The following NKAIN2 variants were observed in gnomAD, a reference collection of about 807,000 sequenced individuals.
NKAIN2 encodes the protein sodium/potassium-transporting ATPase subunit beta-1-interacting protein 2.
In NKAIN2, 14 loss-of-function variants were observed where a neutral mutation model predicts 32.6. The ratio of observed to expected loss-of-function variants is 0.43; its 90% CI spans 0.28 to 0.67. NKAIN2 has a LOEUF of 0.67. Ranked by LOEUF, NKAIN2 falls within the 30% of genes least tolerant of loss-of-function variation. The pLI is 0.17. For synonymous variants in NKAIN2, 80 were observed against 87.2 expected, an observed-to-expected ratio of 0.92 and a Z score of 0.46; for missense variants, 198 against 258.3, an observed-to-expected ratio of 0.77 and a Z score of 1.60.
intron 4 of NKAIN2, among the ~76,000 whole-genome samples, chr6:124,697,006 T>C (rs1298191842): frequency 1.3e-5 from 2 of 152,118 alleles, no homozygotes; most frequent in Admixed American, 1.3e-4. Context: ...CTGCATGACC[T>C]TCAATGAGTT....
intron 1 of NKAIN2, among the ~76,000 whole-genome samples, chr6:124,056,040 T>G (rs1582548428): frequency 6.6e-6 from 1 of 152,102 alleles, no homozygotes; most frequent in East Asian, 1.9e-4. Context: ...ATGCCTGCTC[T>G]CTTAATTCCA....
rs374571494 is a variant in NKAIN2 at position 124,648,163 on chromosome 6, T to C, written c.274-10023T>C. Among the ~76,000 whole-genome samples the C allele has an allele frequency of 3.3e-5, 5 of 152,160 alleles. No homozygotes were observed. In the East Asian group the frequency reaches 5.8e-4, roughly 18 times the overall value. On this transcript the variant is annotated intron_variant, in intron 3 of 6. Transcript: ENST00000368417. ...CACTGAAAAGAAAGCAGAAGGATTA[T>C]TAAATGCTGACATGAACCAGTAGGG... is the stretch of plus-strand genomic sequence containing the variant.
At chr6:124,091,453 C>T (rs375822547) in intron 1 of NKAIN2, among the ~76,000 whole-genome samples, 2 of 152,026 alleles carry the variant, frequency 1.3e-5, no homozygotes, top group East Asian at 1.9e-4. Context: ...AATAGGACTA[C>T]CTTTGTTGCA....
intron 3 of NKAIN2, among the ~76,000 whole-genome samples, chr6:124,581,415 C>T (rs1471352521): frequency 5.1e-5 from 7 of 136,290 alleles, no homozygotes; most frequent in South Asian, 2.3e-4. Context: ...GTCCGCAGTC[C>T]GGCCTGGGCA....
At chr6:124,090,999 C>T (rs532696475) in intron 1 of NKAIN2, among the ~76,000 whole-genome samples, 1 of 151,920 alleles carries the variant, frequency 6.6e-6, no homozygotes, top group Non-Finnish European at 1.5e-5. Flanking sequence ...CCCTTTAAAT[C>T]TGTCATAACA....
intron 4 of NKAIN2, among the ~76,000 whole-genome samples, chr6:124,735,517 A>G (rs1387290502): frequency 3.3e-5 from 5 of 152,036 alleles, no homozygotes; most frequent in Admixed American, 6.6e-5. Flanking sequence ...ATATAGACAT[A>G]TCTTGTTTTA....
At chr6:124,580,833 GAAAC>G (rs1781491783) in intron 3 of NKAIN2, among the ~76,000 whole-genome samples, 1 of 151,996 alleles carries the variant, frequency 6.6e-6, no homozygotes, top group South Asian at 2.1e-4. Context: ...CATGGAAATG[GAAAC>G]AAACCAAACA....
At chr6:123,839,720 T>C (rs1774788561) in intron 1 of NKAIN2, among the ~76,000 whole-genome samples, 1 of 152,152 alleles carries the variant, frequency 6.6e-6, no homozygotes, top group Non-Finnish European at 1.5e-5. Flanking sequence ...AACTGAATGG[T>C]TATATGTTAT....
chr6:124,000,984 TCAC>T (rs1779855962), intron 1 of NKAIN2, among the ~76,000 whole-genome samples: 1 of 152,062 alleles, frequency 6.6e-6, no homozygotes, highest in Admixed American at 6.6e-5. Flanking sequence ...GAATGGTAGA[TCAC>T]CAACACTCAC....
At chr6:124,411,695 G>A (rs906027153) in intron 3 of NKAIN2, among the ~76,000 whole-genome samples, 10 of 151,838 alleles carry the variant, frequency 6.6e-5, no homozygotes, top group Middle Eastern at 3.4e-3. Context: ...TCTTTGTGGC[G>A]TTCTCTGTAT....
intron 3 of NKAIN2, among the ~76,000 whole-genome samples, chr6:124,654,189 A>AC (rs1386370447): frequency 6.6e-6 from 1 of 152,194 alleles, no homozygotes; most frequent in African/African-American, 2.4e-5. Context: ...GTTATAAAAA[A>AC]TGAAAGTGGT....
chr6:124,287,569 T>C (rs939909964), intron 2 of NKAIN2, among the ~76,000 whole-genome samples: 4 of 152,190 alleles, frequency 2.6e-5, no homozygotes, highest in African/African-American at 9.6e-5. Context: ...ATGAAATAGA[T>C]GTTTTCAGGT....
chr6:123,813,832 G>T (rs1773580364), intron 1 of NKAIN2, among the ~76,000 whole-genome samples: 1 of 151,408 alleles, frequency 6.6e-6, no homozygotes, highest in Admixed American at 6.6e-5. Context: ...TGATACATAG[G>T]TGGTATATAA....
chr6:124,691,116 C>T (rs1369772884), intron 4 of NKAIN2, among the ~76,000 whole-genome samples: 4 of 152,074 alleles, frequency 2.6e-5, no homozygotes, highest in Non-Finnish European at 4.4e-5. Context: ...CCAAATTGTG[C>T]GATAGAAAAC....
intron 2 of NKAIN2, among the ~76,000 whole-genome samples, chr6:124,342,590 C>A (rs994982276): frequency 6.6e-6 from 1 of 151,794 alleles, no homozygotes; most frequent in Non-Finnish European, 1.5e-5. Flanking sequence ...TCACTGCAAC[C>A]TCCAACTCCA....
At chr6:124,820,651 T>C (rs889798267) in intron 6 of NKAIN2, among the ~76,000 whole-genome samples, 5 of 152,200 alleles carry the variant, frequency 3.3e-5, no homozygotes, top group Non-Finnish European at 7.3e-5. Context: ...TGAATAGTCC[T>C]GGCCCATGGT....
intron 3 of NKAIN2, among the ~76,000 whole-genome samples, chr6:124,452,737 T>G (rs1776159287): frequency 4.6e-5 from 7 of 152,156 alleles, no homozygotes; most frequent in Admixed American, 4.6e-4. Flanking sequence ...ATGCTAGGAT[T>G]AAAAACTGAA....
intron 2 of NKAIN2, among the ~76,000 whole-genome samples, chr6:124,320,317 G>T (rs1797122219): frequency 6.6e-6 from 1 of 152,062 alleles, no homozygotes; most frequent in Non-Finnish European, 1.5e-5. Context: ...TTGCAGTCTT[G>T]TTCCAAAATT....
intron 2 of NKAIN2, among the ~76,000 whole-genome samples, chr6:124,295,138 G>A (rs536544781): frequency 2.0e-5 from 3 of 152,106 alleles, no homozygotes; most frequent in Non-Finnish European, 4.4e-5. Context: ...TGTTTTGAAA[G>A]GTTAGTGTTT....
Sources: gnomAD v4.1 joint callset for allele counts (sites outside exome capture counted in the v4.1 genomes callset) on GRCh38, gnomAD v4.1.1 for gene constraint, MANE v1.5 for transcripts, NCBI Gene and HGNC (gene_info 2026-07-23, HGNC 2026-07-21) for gene names.